PWWP2A: variants seen among roughly 807,000 people sequenced by gnomAD.
The protein encoded by PWWP2A is PWWP domain containing 2A.
Under a neutral mutation model 48.5 loss-of-function variants are expected in PWWP2A, and 18 were observed. The observed-to-expected ratio is 0.37, with a 90% CI of 0.26 to 0.55. PWWP2A has a LOEUF of 0.55. Ranked by LOEUF, PWWP2A falls within the 20% of genes least tolerant of loss-of-function variation. The probability of loss-of-function intolerance (pLI) is 0.81; values close to 1 mark genes in which losing one functional copy is unlikely to be tolerated. For missense variants in PWWP2A, 867 were observed against 976.4 expected (o/e 0.89, Z 1.49); for synonymous variants, 396 against 387.7 (o/e 1.02, Z -0.25).
the PWWP2A span, chr5:160,051,081 GGTT>G: frequency 9.1e-7 from 1 of 1,094,292 alleles, no homozygotes; most frequent in Non-Finnish European, 1.3e-6. Context: ...GAAAGGTTTT[GGTT>G]TTTTTTTTTT....
chr5:160,078,923 T>C lies in PWWP2A; in HGVS notation c.1670-755A>G, dbSNP rs1754037623. Reference sequence around the variant, plus strand: ...AAAGGGCAAGGCTTATACAAATTACTGCTAAATAGCATGACCAGAATGATC... The same window carrying C: ...AAAGGGCAAGGCTTATACAAATTACCGCTAAATAGCATGACCAGAATGATC... On this transcript the variant is annotated intron_variant, in intron 3 of 3. Coordinates refer to the PWWP2A transcript ENST00000456329. The surrounding 1 kb of genome is among the most constrained non-coding windows in gnomAD (Gnocchi z 4.2). Among the ~76,000 whole-genome samples the C allele has an allele frequency of 6.6e-6, 1 of 152,158 alleles. No individual in the cohort carries two copies. The highest frequency in any genetic ancestry group is 2.4e-5 in the African/African-American group (1 of 41,436).
chr5:160,102,110 CAAAA>C (rs61608471), intron 1 of PWWP2A, among the ~76,000 whole-genome samples: 3 of 58,994 alleles, frequency 5.1e-5, no homozygotes, highest in Non-Finnish European at 3.5e-5. Flanking sequence ...AACTTGGTGT[CAAAA>C]AAAAAAAAAA....
chr5:160,075,833 C>G (rs949851227), downstream of PWWP2A: 1 of 113,416 alleles, frequency 8.8e-6, no homozygotes, highest in Non-Finnish European at 1.9e-5. Context: ...AAAAAAAAAT[C>G]TTTAAAAACT....
chr5:160,065,194 C>T, intron 4 of PWWP2A: 1 of 1,250,016 alleles, frequency 8.0e-7, no homozygotes, highest in Non-Finnish European at 1.1e-6. Context: ...CCAGTAGAGC[C>T]CAGTGCTCCC....
At chr5:160,080,517 G>C in intron 3 of PWWP2A, 1 of 851,928 alleles carries the variant, frequency 1.2e-6, no homozygotes, top group East Asian at 3.1e-5. Flanking sequence ...GGCACACCCG[G>C]CTACCAAAGT....
chr5:160,061,458 T>C (rs1323442182), downstream of PWWP2A, among the ~76,000 whole-genome samples: 2 of 152,258 alleles, frequency 1.3e-5, no homozygotes, highest in Non-Finnish European at 2.9e-5. Context: ...GACCATGTCA[T>C]GTATCTTTGC....
intron 4 of PWWP2A, among the ~76,000 whole-genome samples, chr5:160,065,812 T>C (rs1753588837): frequency 6.6e-6 from 1 of 152,238 alleles, no homozygotes; most frequent in Admixed American, 6.5e-5. Context: ...AATGTTAATA[T>C]TTTTAACTTA....
At chr5:160,070,500 CTA>C (rs34101381) in intron 2 of PWWP2A, among the ~76,000 whole-genome samples, 2,495 of 151,952 alleles carry the variant, frequency 0.016, 61 homozygotes, top group African/African-American at 0.054. Flanking sequence ...AAACAAAAAA[CTA>C]TGCTTTTCCA....
intron 5 of PWWP2A, among the ~76,000 whole-genome samples, chr5:160,062,943 C>CGTAG (rs1299254616): frequency 6.6e-6 from 1 of 152,198 alleles, no homozygotes. Flanking sequence ...CCTCCCTCTA[C>CGTAG]GCCCATGTGC....
intron 1 of PWWP2A, among the ~76,000 whole-genome samples, chr5:160,111,232 A>T (rs1757537291): frequency 1.3e-5 from 2 of 152,070 alleles, no homozygotes; most frequent in African/African-American, 4.8e-5. Flanking sequence ...CAATAGCATG[A>T]TCTCAGCTCA....
chr5:160,065,022 C>G (rs370929511), intron 4 of PWWP2A: 2 of 1,613,616 alleles, frequency 1.2e-6, no homozygotes, highest in Non-Finnish European at 1.7e-6. Flanking sequence ...TCTACCGGCT[C>G]GTACTCCATC....
chr5:160,098,910 C>T (rs1184783062), intron 1 of PWWP2A, among the ~76,000 whole-genome samples: 1 of 152,132 alleles, frequency 6.6e-6, no homozygotes, highest in Non-Finnish European at 1.5e-5. Flanking sequence ...CACTCCAGCA[C>T]TCCAGCCTGG....
downstream of PWWP2A, chr5:160,089,616 A>C (rs1046985140): frequency 7.8e-7 from 1 of 1,288,652 alleles, no homozygotes; most frequent in Non-Finnish European, 1.0e-6. Flanking sequence ...AAATTCTAGA[A>C]AGTAAAAAGG....
At chr5:160,053,415 T>C in the PWWP2A span, among the ~76,000 whole-genome samples, 1 of 152,008 alleles carries the variant, frequency 6.6e-6, no homozygotes, top group Admixed American at 6.6e-5. Flanking sequence ...ACTAAAAAAA[T>C]TAGCCAGGTG....
the PWWP2A span, among the ~76,000 whole-genome samples, chr5:160,048,126 CTTTTTTTTTTTTTTTT>C: frequency 1.7e-4 from 6 of 35,570 alleles, no homozygotes; most frequent in Non-Finnish European, 2.8e-4. Flanking sequence ...CAAGACATTG[CTTTTTTTTTTTTTTTT>C]TTTTTTTTTT....
chr5:160,091,175 T>C (rs938130946), downstream of PWWP2A: 22 of 973,818 alleles, frequency 2.3e-5, no homozygotes, highest in Non-Finnish European at 1.1e-5. Context: ...TACTGATTCA[T>C]CTCTCATTAT....
downstream of PWWP2A, among the ~76,000 whole-genome samples, chr5:160,074,512 C>T (rs531248573): frequency 1.1e-4 from 16 of 151,134 alleles, no homozygotes; most frequent in South Asian, 1.7e-3. Flanking sequence ...TTTGCGAAGC[C>T]GAGGCAGGCG....
At position 160,093,188 on chromosome 5, in the gene PWWP2A, A is replaced by T. The variant is rs1029027324; in HGVS notation, c.1462T>A (p.Ser488Thr). 4 of 1,613,930 alleles carry T rather than the reference A, an allele frequency of 2.5e-6. No individual in the cohort carries two copies. The highest frequency in any genetic ancestry group is 3.4e-6 in the Non-Finnish European group (4 of 1,179,880). ...PQRYRNEEND[S>T]SLKTGLEKMR... ...TTCTCAAGTCCTGTCTTCAGAGAAG[A>T]GTCATTTTCTTCATTCCTGTACCTC... The change falls in exon 2 of 2, where the codon TCT becomes ACT. Residue 488 changes from serine (S) to threonine (T), a missense_variant. By Grantham distance (58) the Ser-to-Thr change is moderately conservative (BLOSUM62 1). This residue lies in a region of PWWP2A where 382 missense variants were observed against 407.2 expected (regional missense o/e 0.94). Coordinates refer to ENST00000307063, the MANE Select transcript of PWWP2A (RefSeq NM_001130864.2). This position sits in a 1 kb window ranked among gnomAD's most constrained non-coding sequence, Gnocchi z 5.8.
At position 160,119,285 on chromosome 5, in the gene PWWP2A, G is replaced by T; in HGVS notation, c.104C>A (p.Ala35Asp). The T allele has an allele frequency of 1.4e-6, 2 of 1,384,202 alleles. No individual in the cohort carries two copies. Among genetic ancestry groups the T allele is most frequent in the Non-Finnish European group, 1.9e-6 (2 of 1,077,106 alleles). 85.7% of individuals were successfully genotyped at this position (1,384,202 alleles called of 1,614,324 possible). ...PEMEPIPGSE[A>D]GTDPLPVTAT... is the part of the protein sequence containing the mutation. ...CGTGACCGGGAGGGGGTCAGTGCCG[G>T]CCTCACTGCCGGGGATGGGCTCCAT... The change falls in exon 1 of 2, where the codon GCC becomes GAC. Residue 35 changes from alanine (A) to aspartate (D), a missense_variant. Coordinates refer to ENST00000307063, the MANE Select transcript of PWWP2A (RefSeq NM_001130864.2).
Sources: gnomAD v4.1 joint callset for allele counts (sites outside exome capture counted in the v4.1 genomes callset) on GRCh38, gnomAD v4.1.1 for gene constraint, gnomAD v4.1.1 regional missense constraint, Gnocchi (gnomAD v3.1) non-coding constraint, MANE v1.5 for transcripts, NCBI Gene and HGNC (gene_info 2026-07-23, HGNC 2026-07-21) for gene names.